CDHR3: variants seen among roughly 807,000 people sequenced by gnomAD.
The protein encoded by CDHR3 is cadherin-related family member 3.
In CDHR3, 79 loss-of-function variants were observed where a neutral mutation model predicts 86.6. The observed-to-expected ratio is 0.91, with a 90% CI of 0.76 to 1.10. CDHR3 has a LOEUF of 1.10. CDHR3 is among the 50% of genes least tolerant of loss of function. CDHR3 has a pLI of 0.00. For missense variants in CDHR3, 1,081 were observed against 1,077.6 expected, an observed-to-expected ratio of 1.00 and a Z score of -0.04; for synonymous variants, 421 against 402.4, an observed-to-expected ratio of 1.05 and a Z score of -0.55.
chr7:105,995,237 T>C lies in CDHR3; in HGVS notation c.608+392T>C, dbSNP rs1195840090. 2.0e-5 allele frequency among the ~76,000 whole-genome samples: 3 copies of C among 152,322 alleles called. No homozygotes were observed. In the South Asian group the frequency reaches 6.2e-4, roughly 32 times the overall value. On this transcript the variant is annotated intron_variant, in intron 5 of 18. Transcript: ENST00000317716. ...CCAAGGAGGCAACTCTCCTTAGACC[T>C]CTTGCTAACTCAGTAGTCAGAGCAC... is the stretch of plus-strand genomic sequence containing the variant.
In CDHR3 at chr7:106,032,842, T is replaced by C. The variant is rs1436748764; in HGVS notation, c.*145T>C. On this transcript the variant is annotated 3_prime_UTR_variant, in exon 19 of 19. Coordinates refer to ENST00000317716, the MANE Select transcript of CDHR3 (RefSeq NM_152750.5). Reference sequence around the variant, plus strand: ...GGTCAAACATGGGATGTTTGACAAATTTTTAAACAAATAGAAAGGGGTTTG... The same window carrying C: ...GGTCAAACATGGGATGTTTGACAAACTTTTAAACAAATAGAAAGGGGTTTG... 1 of 748,334 alleles carries C rather than the reference T, an allele frequency of 1.3e-6. No homozygotes were observed. Among genetic ancestry groups the C allele is most frequent in the Non-Finnish European group, 2.1e-6 (1 of 472,682 alleles). The allele number at this position is 748,334 out of a possible 1,614,324, so 46.4% of individuals were successfully genotyped here.
intron 4 of CDHR3, 115 bp downstream of exon 4, chr7:105,984,404 C>T (rs958200926): frequency 2.1e-5 from 13 of 619,000 alleles, no homozygotes; most frequent in Non-Finnish European, 2.8e-5. Context: ...GGGGAATGTG[C>T]GTCCACTTCC....
chr7:106,023,131 C>A (rs1008305829), intron 14 of CDHR3, among the ~76,000 whole-genome samples: 6 of 152,144 alleles, frequency 3.9e-5, no homozygotes, highest in Admixed American at 3.9e-4. Flanking sequence ...TCAGGCCCAG[C>A]CTAGATTATT....
chr7:105,990,391 TCTTCCTC>T (rs1216210716), intron 4 of CDHR3, among the ~76,000 whole-genome samples: 4 of 152,172 alleles, frequency 2.6e-5, no homozygotes, highest in Non-Finnish European at 5.9e-5. Context: ...TTCTAGGCAC[TCTTCCTC>T]CTTCCTCCTC....
intron 8 of CDHR3, among the ~76,000 whole-genome samples, chr7:106,007,331 C>T (rs1834081705): frequency 6.6e-6 from 1 of 152,216 alleles, no homozygotes; most frequent in Non-Finnish European, 1.5e-5. Flanking sequence ...ATGTAAATTT[C>T]TGCAGCTGTC....
intron 4 of CDHR3, among the ~76,000 whole-genome samples, chr7:105,987,586 C>T (rs1830708621): frequency 6.6e-6 from 1 of 152,136 alleles, no homozygotes; most frequent in Admixed American, 6.5e-5. Flanking sequence ...TGCTTCTCAA[C>T]CTTGGCTGTA....
At chr7:106,011,352 A>G (rs1326600873) in intron 8 of CDHR3, among the ~76,000 whole-genome samples, 1 of 152,146 alleles carries the variant, frequency 6.6e-6, no homozygotes, top group Non-Finnish European at 1.5e-5. Context: ...TGAAAAATGC[A>G]TGTGCCTTGG....
chr7:105,976,419 G>A (rs1828819806), intron 2 of CDHR3, among the ~76,000 whole-genome samples: 1 of 152,150 alleles, frequency 6.6e-6, no homozygotes, highest in Non-Finnish European at 1.5e-5. Flanking sequence ...AGGCAGTCTG[G>A]CTCCAGTGCT....
At chr7:105,987,032 A>G (rs1188449567) in intron 4 of CDHR3, among the ~76,000 whole-genome samples, 1 of 152,222 alleles carries the variant, frequency 6.6e-6, no homozygotes, top group Non-Finnish European at 1.5e-5. Flanking sequence ...AGACAAACAT[A>G]TATTTGTTTT....
At chr7:106,026,551 C>T in intron 15 of CDHR3, 131 bp from the exon 16 acceptor site, 1 of 879,874 alleles carries the variant, frequency 1.1e-6, no homozygotes, top group Non-Finnish European at 1.9e-6. Context: ...TGGCCCCTAT[C>T]CCTGGCACCT....
intron 1 of CDHR3, among the ~76,000 whole-genome samples, chr7:105,966,410 C>A (rs576884969): frequency 6.6e-6 from 1 of 152,330 alleles, no homozygotes; most frequent in South Asian, 2.1e-4. Flanking sequence ...GGGCAAGAGG[C>A]AATCACAGCT....
At chr7:106,017,172 T>C (rs969757919) in intron 11 of CDHR3, among the ~76,000 whole-genome samples, 5 of 152,168 alleles carry the variant, frequency 3.3e-5, no homozygotes, top group African/African-American at 7.2e-5. Flanking sequence ...TTTTAGACAA[T>C]ACTGCTGCAA....
Position 106,011,045 on chromosome 7 carries a change from G to A in CDHR3, c.1053-1815G>A, listed in dbSNP as rs189599527. The stretch of plus-strand genomic sequence containing the variant: ...TGGATTTCAGAGCCCAGCAGCTGAG[G>A]CCGATGGTCAGTTATGCTCTCATGG... On this transcript the variant is annotated intron_variant, in intron 8 of 18. Transcript: ENST00000317716. Among the ~76,000 whole-genome samples, 918 of 152,294 alleles carry A rather than the reference G, an allele frequency of 6.0e-3. 7 individuals are homozygous for A. Among genetic ancestry groups the A allele is most frequent in the Non-Finnish European group, 7.9e-3 (537 of 68,034 alleles).
Position 106,034,940 on chromosome 7 carries a change from G to A in CDHR3, c.*2243G>A, listed in dbSNP as rs534325741. 2.0e-5 allele frequency among the ~76,000 whole-genome samples: 3 copies of A among 152,170 alleles called. No homozygotes were observed. The highest frequency in any genetic ancestry group is 2.1e-4 in the South Asian group (1 of 4,824). ...TAAAAAATAGAAAAATTAGCTGGAC[G>A]TGTTAGCAGGCACCTGTAATCCCAG... On this transcript the variant is annotated 3_prime_UTR_variant, in exon 19 of 19. Transcript: ENST00000317716.
chr7:105,997,027 C>T (rs1832352168), intron 6 of CDHR3, among the ~76,000 whole-genome samples: 2 of 152,244 alleles, frequency 1.3e-5, no homozygotes, highest in Non-Finnish European at 2.9e-5. Context: ...GCACTGCAAA[C>T]AGCCTGGCAT....
intron 3 of CDHR3, 90 bp from the exon 4 acceptor site, chr7:105,984,102 C>T: frequency 1.6e-6 from 1 of 638,280 alleles, no homozygotes; most frequent in Non-Finnish European, 2.5e-6. Flanking sequence ...ACCCTTGGTT[C>T]CCTTGGTTGT....
rs1365364806 is a variant in CDHR3, at chr7:106,032,871, A to C, written c.*174A>C. ...TAAACAAATAGAAAGGGGTTTGATC[A>C]CATAGTTGCGTGTTCTGAAATGATA... On this transcript the variant is annotated 3_prime_UTR_variant, in exon 19 of 19. Coordinates refer to ENST00000317716, the MANE Select transcript of CDHR3 (RefSeq NM_152750.5). 1 of 614,178 alleles carries C rather than the reference A, an allele frequency of 1.6e-6. No individual in the cohort carries two copies. The highest frequency in any genetic ancestry group is 2.8e-6 in the Non-Finnish European group (1 of 355,832). 38.0% of individuals were successfully genotyped at this position (614,178 alleles called of 1,614,324 possible).
intron 4 of CDHR3, among the ~76,000 whole-genome samples, chr7:105,985,914 A>C (rs1479055205): frequency 6.6e-6 from 1 of 152,202 alleles, no homozygotes; most frequent in African/African-American, 2.4e-5. Flanking sequence ...GCAGGCAGGC[A>C]GTTCAGCACT....
At chr7:106,010,613 G>C (rs1563281973) in intron 8 of CDHR3, among the ~76,000 whole-genome samples, 1 of 152,182 alleles carries the variant, frequency 6.6e-6, no homozygotes, top group Non-Finnish European at 1.5e-5. Context: ...ACTTTGCTCC[G>C]TATGCACTGA....
Sources: gnomAD v4.1 joint callset for allele counts (sites outside exome capture counted in the v4.1 genomes callset) on GRCh38, gnomAD v4.1.1 for gene constraint, MANE v1.5 for transcripts, NCBI Gene and HGNC (gene_info 2026-07-23, HGNC 2026-07-21) for gene names.